Variants in SNTG1 observed in about 807,000 individuals in gnomAD.
SNTG1 encodes the protein gamma-1-syntrophin.
In SNTG1, 39 loss-of-function variants were observed where a neutral mutation model predicts 74.7. That is an observed-to-expected ratio of 0.52 (90% CI 0.40 to 0.68). The LOEUF is 0.68. Ranked by LOEUF, SNTG1 falls within the 30% of genes least tolerant of loss-of-function variation. The pLI, the probability that SNTG1 is intolerant of heterozygous loss-of-function variation, is 0.00. For synonymous variants in SNTG1, 254 were observed against 217.1 expected, an observed-to-expected ratio of 1.17 and a Z score of -1.49; for missense variants, 685 against 609.5, an observed-to-expected ratio of 1.12 and a Z score of -1.30.
Position 50,536,671 on chromosome 8 carries a change from C to T in SNTG1, c.550-7C>T, listed in dbSNP as rs186527355. ...AAAATTACGTTGAATATTTATCTTC[C>T]TTTCAGGACACATTATCATGCTCGT... is the stretch of plus-strand genomic sequence containing the variant. On this transcript the variant is annotated splice_polypyrimidine_tract_variant and splice_region_variant and intron_variant, in intron 10 of 18. Transcript: ENST00000642720. 7 of 1,610,230 alleles carry T rather than the reference C, an allele frequency of 4.3e-6. No individual in the cohort carries two copies. In the Admixed American group the frequency reaches 1.2e-4, roughly 27 times the overall value.
At chr8:50,617,768 C>A (rs181590580) in intron 13 of SNTG1, among the ~76,000 whole-genome samples, 65 of 152,226 alleles carry the variant, frequency 4.3e-4, no homozygotes, top group East Asian at 4.3e-3. Flanking sequence ...GTAATTAGAT[C>A]GGAACAAAAC....
At position 49,935,109 on chromosome 8, in the gene SNTG1, T is replaced by C. The variant is rs201133004; in HGVS notation, c.-103+22878T>C. ...TGGTTAATAAAACTGACCAAACAGT[T>C]GTAGGAAGCATTTGAAAGTATGAAT... On this transcript the variant is annotated intron_variant, in intron 1 of 18. Coordinates refer to ENST00000642720, the MANE Select transcript of SNTG1 (RefSeq NM_018967.5). Among the ~76,000 whole-genome samples, 8 of 151,920 alleles carry C rather than the reference T, an allele frequency of 5.3e-5. No homozygotes were observed. The East Asian group carries it at 1.6e-3, about 30-fold the overall frequency.
intron 2 of SNTG1, among the ~76,000 whole-genome samples, chr8:50,278,224 T>A (rs1421944275): frequency 6.6e-6 from 1 of 152,164 alleles, no homozygotes; most frequent in Non-Finnish European, 1.5e-5. Flanking sequence ...ATTAATTCCA[T>A]GAATTTTTCT....
At chr8:50,353,628 G>A (rs1308116491) in intron 2 of SNTG1, among the ~76,000 whole-genome samples, 2 of 152,120 alleles carry the variant, frequency 1.3e-5, no homozygotes, top group African/African-American at 2.4e-5. Flanking sequence ...AGTCACATAC[G>A]TAATGAGCAT....
chr8:49,987,127 C>T (rs1044427593), intron 1 of SNTG1, among the ~76,000 whole-genome samples: 2 of 152,056 alleles, frequency 1.3e-5, no homozygotes, highest in Admixed American at 1.3e-4. Context: ...GGAGATACTT[C>T]CAATTAAGTT....
intron 1 of SNTG1, among the ~76,000 whole-genome samples, chr8:50,059,467 G>T (rs1324142838): frequency 6.6e-6 from 1 of 151,958 alleles, no homozygotes; most frequent in Non-Finnish European, 1.5e-5. Context: ...ACCCTTAAAA[G>T]AAACACTATA....
At chr8:50,511,916 T>A (rs1222168954) in intron 9 of SNTG1, among the ~76,000 whole-genome samples, 1 of 152,188 alleles carries the variant, frequency 6.6e-6, no homozygotes, top group East Asian at 1.9e-4. Context: ...CCCATTTACA[T>A]TTAAGGTTAA....
intron 15 of SNTG1, among the ~76,000 whole-genome samples, chr8:50,689,709 CT>C (rs1198511701): frequency 6.6e-6 from 1 of 152,124 alleles, no homozygotes; most frequent in Non-Finnish European, 1.5e-5. Context: ...CTAAAATTCT[CT>C]TTTTTCGTTG....
rs941168676 is a variant in SNTG1 at position 50,025,225 on chromosome 8, A to G, written c.-103+112994A>G. On this transcript the variant is annotated intron_variant, in intron 1 of 18. Transcript: ENST00000642720. ...CTCTGGAACTTCTCTGGCACAAAAT[A>G]CCATATAATTTCACATTTGAAAAGT... 3.3e-5 allele frequency among the ~76,000 whole-genome samples: 5 copies of G among 152,300 alleles called. No individual in the cohort carries two copies. In the South Asian group the frequency reaches 1.0e-3, roughly 32 times the overall value.
intron 15 of SNTG1, among the ~76,000 whole-genome samples, chr8:50,666,749 T>G (rs2131318938): frequency 1.3e-5 from 2 of 151,944 alleles, no homozygotes; most frequent in South Asian, 4.2e-4. Flanking sequence ...GTGCTCAAAT[T>G]AAGAATAGCT....
At chr8:50,545,842 G>A (rs546712687) in intron 11 of SNTG1, among the ~76,000 whole-genome samples, 54 of 152,156 alleles carry the variant, frequency 3.5e-4, no homozygotes, top group African/African-American at 1.3e-3. Context: ...CTAAACAGTA[G>A]GCAAGTTTAG....
At chr8:50,349,838 C>G (rs1296343367) in intron 2 of SNTG1, among the ~76,000 whole-genome samples, 1 of 152,210 alleles carries the variant, frequency 6.6e-6, no homozygotes, top group Non-Finnish European at 1.5e-5. Flanking sequence ...AGCCCTTCAG[C>G]CAACTGCTGC....
chr8:50,780,764 C>A (rs1328832970), intron 18 of SNTG1, among the ~76,000 whole-genome samples: 1 of 152,048 alleles, frequency 6.6e-6, no homozygotes, highest in African/African-American at 2.4e-5. Context: ...TGTGTTTGCT[C>A]TTGTTTTTCT....
chr8:50,592,108 T>G (rs770218274), intron 13 of SNTG1, among the ~76,000 whole-genome samples: 1 of 152,156 alleles, frequency 6.6e-6, no homozygotes, highest in Non-Finnish European at 1.5e-5. Context: ...ATAGGTGTCA[T>G]CCTGAGAGCT....
intron 2 of SNTG1, among the ~76,000 whole-genome samples, chr8:50,384,077 T>C (rs943488670): frequency 6.6e-6 from 1 of 152,204 alleles, no homozygotes; most frequent in Non-Finnish European, 1.5e-5. Flanking sequence ...ACTACCCTCA[T>C]TTCCTAAACT....
At chr8:50,500,406 T>C (rs1306159240) in intron 8 of SNTG1, among the ~76,000 whole-genome samples, 1 of 152,086 alleles carries the variant, frequency 6.6e-6, no homozygotes, top group African/African-American at 2.4e-5. Context: ...TATTATAACA[T>C]AACTTTTTTG....
chr8:50,331,652 G>T (rs2090970783), intron 2 of SNTG1, among the ~76,000 whole-genome samples: 3 of 152,236 alleles, frequency 2.0e-5, no homozygotes, highest in South Asian at 4.1e-4. Context: ...GAATGATGTG[G>T]TTAAGAGAAG....
intron 2 of SNTG1, among the ~76,000 whole-genome samples, chr8:50,266,741 A>G (rs138466155): frequency 1.9e-4 from 28 of 146,168 alleles, no homozygotes; most frequent in African/African-American, 6.0e-4. Context: ...AAAGCAGTAA[A>G]CTTTCTCCTT....
At chr8:50,547,763 G>A (rs894526497) in intron 11 of SNTG1, among the ~76,000 whole-genome samples, 1 of 152,066 alleles carries the variant, frequency 6.6e-6, no homozygotes, top group East Asian at 1.9e-4. Flanking sequence ...TTGATCAAAT[G>A]ATCGAATATA....
Sources: allele counts gnomAD v4.1 joint callset (sites outside exome capture counted in the v4.1 genomes callset), GRCh38; gene constraint gnomAD v4.1.1; transcripts MANE v1.5; gene names NCBI Gene and HGNC (gene_info 2026-07-23, HGNC 2026-07-21).